The following RARB variants were observed in gnomAD, a reference collection of about 807,000 sequenced individuals.
RARB encodes HBV-activated protein.
Under a neutral mutation model 51.9 loss-of-function variants are expected in RARB, and 17 were observed. The observed-to-expected ratio is 0.33, with a 90% confidence interval of 0.22 to 0.49. RARB has a LOEUF of 0.49. Ranked by LOEUF, RARB falls within the 20% of genes least tolerant of loss-of-function variation. The pLI, the probability that RARB is intolerant of heterozygous loss-of-function variation, is 0.99. For missense variants in RARB, 369 were observed against 550.8 expected (o/e 0.67, Z 3.30); for synonymous variants, 215 against 195.4 (o/e 1.10, Z -0.84).
At chr3:24,949,195 T>A (rs1364632385) in intron 2 of RARB, among the ~76,000 whole-genome samples, 1 of 152,130 alleles carries the variant, frequency 6.6e-6, no homozygotes, top group Admixed American at 6.5e-5. Context: ...ATGTCAAAGG[T>A]ATTGGAGTAT....
intron 1 of RARB, among the ~76,000 whole-genome samples, chr3:24,858,469 C>A (rs149877805): frequency 6.6e-6 from 1 of 152,214 alleles, no homozygotes; most frequent in East Asian, 1.9e-4. Context: ...TCCTTGTGAA[C>A]GGGTACAGCT....
chr3:25,075,981 G>C (rs1418268079), intron 3 of RARB, among the ~76,000 whole-genome samples: 1 of 152,018 alleles, frequency 6.6e-6, no homozygotes, highest in Non-Finnish European at 1.5e-5. Flanking sequence ...TCAGCCTCTG[G>C]TCATCAAAAT....
At chr3:25,345,078 C>T (rs769131885) in intron 5 of RARB, among the ~76,000 whole-genome samples, 7 of 152,184 alleles carry the variant, frequency 4.6e-5, no homozygotes, top group Non-Finnish European at 1.0e-4. Context: ...GATTGTTTGA[C>T]TTACCGCCTT....
intron 2 of RARB, among the ~76,000 whole-genome samples, chr3:24,886,082 T>C (rs1301628596): frequency 6.6e-6 from 1 of 152,190 alleles, no homozygotes; most frequent in African/African-American, 2.4e-5. Context: ...GCTTCCTTTT[T>C]CCATATCAGC....
At chr3:25,025,949 T>C (rs1054728501) in intron 2 of RARB, among the ~76,000 whole-genome samples, 1 of 152,178 alleles carries the variant, frequency 6.6e-6, no homozygotes, top group Non-Finnish European at 1.5e-5. Context: ...TGCTCAAATA[T>C]CAATAATTCC....
At chr3:25,353,139 A>G (rs1055941328) in intron 5 of RARB, among the ~76,000 whole-genome samples, 3 of 151,860 alleles carry the variant, frequency 2.0e-5, no homozygotes, top group African/African-American at 7.3e-5. Context: ...TTTACTTTAA[A>G]GTTTAGACCC....
chr3:24,917,894 G>C (rs909929204), intron 2 of RARB, among the ~76,000 whole-genome samples: 2 of 152,204 alleles, frequency 1.3e-5, no homozygotes, highest in African/African-American at 2.4e-5. Flanking sequence ...TAAGTAAAGA[G>C]ACAAAGTAAG....
At chr3:25,134,714 A>AT in intron 4 of RARB, among the ~76,000 whole-genome samples, 1 of 151,954 alleles carries the variant, frequency 6.6e-6, no homozygotes, top group East Asian at 1.9e-4. Context: ...TCCAGAATGG[A>AT]TTAGAATTGA....
intron 2 of RARB, among the ~76,000 whole-genome samples, chr3:25,500,972 A>G (rs1471309918): frequency 1.3e-5 from 2 of 152,176 alleles, no homozygotes; most frequent in East Asian, 3.9e-4. Context: ...GGTCATGTCT[A>G]GTTTTGATTA....
chr3:25,419,384 C>G (rs1023721187), intron 5 of RARB, among the ~76,000 whole-genome samples: 7 of 152,222 alleles, frequency 4.6e-5, no homozygotes, highest in Admixed American at 2.0e-4. Context: ...GGGATTTTCC[C>G]TAAGCTGCCT....
intron 5 of RARB, among the ~76,000 whole-genome samples, chr3:25,365,915 A>G (rs977878835): frequency 3.3e-5 from 5 of 152,200 alleles, no homozygotes; most frequent in African/African-American, 1.2e-4. Flanking sequence ...AGTAGTCACA[A>G]CTGTGCCTCC....
chr3:25,212,656 A>G (rs957607004), intron 5 of RARB, among the ~76,000 whole-genome samples: 1 of 152,194 alleles, frequency 6.6e-6, no homozygotes, highest in African/African-American at 2.4e-5. Context: ...TTCTGAGACA[A>G]TGTGCTATCC....
chr3:24,883,219 T>C (rs1430361103), intron 2 of RARB, among the ~76,000 whole-genome samples: 1 of 152,182 alleles, frequency 6.6e-6, no homozygotes, highest in African/African-American at 2.4e-5. Flanking sequence ...TCAATTGATA[T>C]TTTCCCAAAA....
intron 2 of RARB, among the ~76,000 whole-genome samples, chr3:24,934,070 G>A (rs967127348): frequency 1.3e-5 from 2 of 152,122 alleles, no homozygotes; most frequent in Non-Finnish European, 2.9e-5. Flanking sequence ...CCTTTGAAGA[G>A]CGTGATGATA....
At chr3:25,334,005 A>G (rs189706598) in intron 5 of RARB, among the ~76,000 whole-genome samples, 5 of 152,182 alleles carry the variant, frequency 3.3e-5, no homozygotes, top group African/African-American at 9.7e-5. Context: ...TTAGAATGGC[A>G]ATCATTAAAA....
intron 2 of RARB, among the ~76,000 whole-genome samples, chr3:25,468,396 T>TTTA (rs58115094): frequency 1.2e-4 from 18 of 144,136 alleles, no homozygotes; most frequent in East Asian, 4.1e-4. Flanking sequence ...TTTTTTTTTT[T>TTTA]AACCCATAGC....
At chr3:25,239,645 G>C (rs150392766) in intron 5 of RARB, among the ~76,000 whole-genome samples, 1 of 152,098 alleles carries the variant, frequency 6.6e-6, no homozygotes. Context: ...CCTCTATTCT[G>C]TTCCGTTGGT....
At chr3:25,404,548 T>C (rs1707354463) in intron 5 of RARB, among the ~76,000 whole-genome samples, 1 of 152,170 alleles carries the variant, frequency 6.6e-6, no homozygotes, top group Non-Finnish European at 1.5e-5. Flanking sequence ...CATAATATTT[T>C]TCACTATCCA....
chr3:25,336,324 C>T (rs1469951311), intron 5 of RARB, among the ~76,000 whole-genome samples: 1 of 152,066 alleles, frequency 6.6e-6, no homozygotes, highest in Non-Finnish European at 1.5e-5. Context: ...GTAATAATAG[C>T]CTCAAGATAA....
Sources: gnomAD v4.1 joint callset for allele counts (sites outside exome capture counted in the v4.1 genomes callset) on GRCh38, gnomAD v4.1.1 for gene constraint, MANE v1.5 for transcripts, NCBI Gene and HGNC (gene_info 2026-07-23, HGNC 2026-07-21) for gene names.